NME8: variants seen among roughly 807,000 people sequenced by gnomAD.
The protein encoded by NME8 is NME/NM23 family member 8.
In NME8, 72 loss-of-function variants were observed where a neutral mutation model predicts 82.3. The observed-to-expected ratio is 0.87, with a 90% confidence interval of 0.72 to 1.06. The LOEUF (loss-of-function observed/expected upper bound fraction) is 1.06. Ranked by LOEUF, NME8 falls within the 50% of genes least tolerant of loss-of-function variation. The pLI, the probability that NME8 is intolerant of heterozygous loss-of-function variation, is 0.00. For synonymous variants in NME8, 267 were observed against 228.5 expected (o/e 1.17, Z -1.52); for missense variants, 712 against 685.4 (o/e 1.04, Z -0.43).
At chr7:37,873,789 T>C (rs918737016) in intron 11 of NME8, among the ~76,000 whole-genome samples, 1 of 152,240 alleles carries the variant, frequency 6.6e-6, no homozygotes, top group Non-Finnish European at 1.5e-5. Context: ...CAAGAGTACA[T>C]AGGCGCATTA....
Position 37,867,835 on chromosome 7 carries a change from C to T in NME8, c.755C>T (p.Ser252Phe). 1 of 1,613,890 alleles carries T rather than the reference C, an allele frequency of 6.2e-7. No homozygotes were observed. Among genetic ancestry groups the T allele is most frequent in the East Asian group, 2.2e-5 (1 of 44,824 alleles). The change falls in exon 11 of 18, where the codon TCT becomes TTT. Residue 252 changes from serine (S) to phenylalanine (F), a missense_variant. Transcript: ENST00000199447. Reference sequence around the variant, plus strand: ...ACTGACACCGAACCTAACGAACGATCTGAGGATCAACCTGAGGTCGAAGCC... The same window carrying T: ...ACTGACACCGAACCTAACGAACGATTTGAGGATCAACCTGAGGTCGAAGCC... ...PQTDTEPNER[S>F]EDQPEVEAQV...
chr7:37,868,824 C>T (rs550972787), intron 11 of NME8, among the ~76,000 whole-genome samples: 1 of 152,054 alleles, frequency 6.6e-6, no homozygotes, highest in Non-Finnish European at 1.5e-5. Flanking sequence ...GAGAACAAAA[C>T]GGTTGTATAT....
intron 11 of NME8, among the ~76,000 whole-genome samples, chr7:37,868,658 A>C (rs764771165): frequency 6.6e-6 from 1 of 152,108 alleles, no homozygotes; most frequent in Non-Finnish European, 1.5e-5. Context: ...GTCTGGCCAC[A>C]AGGGCTGGGG....
At chr7:37,866,345 T>C (rs573834245) in intron 10 of NME8, among the ~76,000 whole-genome samples, 1 of 152,328 alleles carries the variant, frequency 6.6e-6, no homozygotes, top group East Asian at 1.9e-4. Flanking sequence ...ACCATTCTAC[T>C]GGACATCACT....
Position 37,884,333 on chromosome 7 carries a change from A to G in NME8, c.1025A>G (p.Asp342Gly). The G allele has an allele frequency of 1.3e-6, 2 of 1,593,066 alleles. No individual in the cohort carries two copies. The highest frequency in any genetic ancestry group is 1.7e-6 in the Non-Finnish European group (2 of 1,160,958). ...GTTTTGCGTATTATTAAAGATGAAG[A>G]CTTCAAAATACTGGAGCAAAGACAA... ...DDVLRIIKDE[D>G]FKILEQRQVV... The change falls in exon 13 of 18, where the codon GAC becomes GGC. Residue 342 changes from aspartate (D) to glycine (G), a missense_variant. Transcript: ENST00000199447.
At chr7:37,854,051 C>A (rs1256689281) in intron 5 of NME8, among the ~76,000 whole-genome samples, 1 of 148,672 alleles carries the variant, frequency 6.7e-6, no homozygotes. Flanking sequence ...GGGGTGCTAA[C>A]CCCCCACGTA....
At chr7:37,859,422 C>G (rs1784566310) in intron 6 of NME8, among the ~76,000 whole-genome samples, 1 of 152,138 alleles carries the variant, frequency 6.6e-6, no homozygotes, top group African/African-American at 2.4e-5. Context: ...GATTTTTGAC[C>G]ATGGCTCTGA....
chr7:37,855,829 C>T (rs1312134215), intron 5 of NME8, among the ~76,000 whole-genome samples: 1 of 152,054 alleles, frequency 6.6e-6, no homozygotes, highest in African/African-American at 2.4e-5. Flanking sequence ...AATCCTGCAC[C>T]TGCATAAAAG....
chr7:37,870,567 T>G (rs1784752799), intron 11 of NME8, among the ~76,000 whole-genome samples: 1 of 135,900 alleles, frequency 7.4e-6, no homozygotes, highest in Non-Finnish European at 1.5e-5. Context: ...CCAGCCTGGG[T>G]GACAGAGTGA....
intron 5 of NME8, among the ~76,000 whole-genome samples, 187 bp from the exon 6 acceptor site, chr7:37,857,087 T>A (rs1436700012): frequency 6.6e-6 from 1 of 152,052 alleles, no homozygotes; most frequent in East Asian, 1.9e-4. Context: ...TGCGGAAAGG[T>A]TAAGGCCAAA....
intron 12 of NME8, among the ~76,000 whole-genome samples, chr7:37,881,583 A>G (rs934734143): frequency 6.6e-6 from 1 of 152,176 alleles, no homozygotes; most frequent in African/African-American, 2.4e-5. Context: ...TTCTGCTCCT[A>G]TGTTCATGAG....
intron 15 of NME8, among the ~76,000 whole-genome samples, chr7:37,893,742 C>T (rs1462040283): frequency 6.6e-6 from 1 of 152,088 alleles, no homozygotes; most frequent in Non-Finnish European, 1.5e-5. Context: ...TCTTTATAGG[C>T]CTTGCTCTCT....
rs373433456 is a variant in NME8, at chr7:37,848,656, G to C, written c.-313G>C. 1 of 152,370 alleles carries C rather than the reference G, an allele frequency of 6.6e-6. No homozygotes were observed. The highest frequency in any genetic ancestry group is 1.5e-5 in the Non-Finnish European group (1 of 68,178). The allele number at this position is 152,370 out of a possible 1,614,324, so 9.4% of individuals were successfully genotyped here. A position where few individuals can be genotyped will look rare whatever the true frequency, so the allele number is the denominator to read the frequency against. ...CTTGTGATGGTGGAACCAGGACTTC[G>C]TTGTTCCTTCATTGTGTGGGCAGAA... On this transcript the variant is annotated 5_prime_UTR_variant, in exon 1 of 18. Coordinates refer to ENST00000199447, the MANE Select transcript of NME8 (RefSeq NM_016616.5).
At chr7:37,871,400 T>C (rs2131955401) in intron 11 of NME8, among the ~76,000 whole-genome samples, 1 of 152,382 alleles carries the variant, frequency 6.6e-6, no homozygotes, top group South Asian at 2.1e-4. Flanking sequence ...TCTGTCTCTT[T>C]AATCAGCCTG....
At position 37,865,603 on chromosome 7, in the gene NME8, C is replaced by A; in HGVS notation, c.607C>A (p.Arg203=). 3 of 1,608,798 alleles carry A rather than the reference C, an allele frequency of 1.9e-6. No individual in the cohort carries two copies. Among genetic ancestry groups the A allele is most frequent in the South Asian group, 1.1e-5 (1 of 90,898 alleles). The change falls in exon 10 of 18, where the codon CGA becomes AGA. Residue 203 remains arginine, a synonymous_variant. Coordinates refer to ENST00000199447, the MANE Select transcript of NME8 (RefSeq NM_016616.5). ...TEEQVVNFYS[R]IADQCDFEEF... ...AGAACAAGTTGTCAACTTCTATAGT[C>A]GAATAGCAGACCAGGTATGAAAGTT...
intron 15 of NME8, among the ~76,000 whole-genome samples, chr7:37,892,615 G>A (rs1447953212): frequency 4.0e-5 from 6 of 151,548 alleles, no homozygotes; most frequent in Non-Finnish European, 7.4e-5. Flanking sequence ...TCTTTATTTT[G>A]CTTTCCTTTA....
At chr7:37,897,363 A>G (rs1374965210) in intron 17 of NME8, among the ~76,000 whole-genome samples, 2 of 152,066 alleles carry the variant, frequency 1.3e-5, no homozygotes, top group Non-Finnish European at 2.9e-5. Flanking sequence ...GGATGGAGAC[A>G]ACAGGGCAAG....
At chr7:37,863,344 A>C (rs1317169117) in intron 7 of NME8, 52 bp from the exon 8 acceptor site, 1 of 1,073,156 alleles carries the variant, frequency 9.3e-7, no homozygotes, top group Non-Finnish European at 1.4e-6. Flanking sequence ...CCCACTCACT[A>C]TCATATTAAA....
chr7:37,891,616 T>C (rs1220817470), intron 15 of NME8, among the ~76,000 whole-genome samples: 1 of 151,994 alleles, frequency 6.6e-6, no homozygotes, highest in Non-Finnish European at 1.5e-5. Flanking sequence ...GCCATTTTTA[T>C]TGCAATATCT....
Sources: allele counts gnomAD v4.1 joint callset (sites outside exome capture counted in the v4.1 genomes callset), GRCh38; gene constraint gnomAD v4.1.1; transcripts MANE v1.5; gene names NCBI Gene and HGNC (gene_info 2026-07-23, HGNC 2026-07-21).